Variants in GABRB1 observed in about 807,000 individuals in gnomAD.
GABRB1 encodes gamma-aminobutyric acid receptor subunit beta-1.
In GABRB1, 17 loss-of-function variants were observed where a neutral mutation model predicts 51.6. The observed-to-expected ratio is 0.33, with a 90% CI of 0.23 to 0.49. The LOEUF (loss-of-function observed/expected upper bound fraction) is 0.49. Ranked by LOEUF, GABRB1 falls within the 20% of genes least tolerant of loss-of-function variation. The pLI, the probability that GABRB1 is intolerant of heterozygous loss-of-function variation, is 0.99. For missense variants in GABRB1, 410 were observed against 600.6 expected (o/e 0.68, Z 3.32); for synonymous variants, 247 against 218.9 (o/e 1.13, Z -1.14).
chr4:47,062,399 C>G (rs1010089400), intron 3 of GABRB1, among the ~76,000 whole-genome samples: 6 of 148,168 alleles, frequency 4.0e-5, no homozygotes, highest in Non-Finnish European at 7.4e-5. Context: ...ATGCCTTTCT[C>G]TAGATAATTT....
chr4:47,291,270 G>A (rs181723240), intron 4 of GABRB1, among the ~76,000 whole-genome samples: 22 of 152,258 alleles, frequency 1.4e-4, no homozygotes, highest in African/African-American at 3.6e-4. Flanking sequence ...TTGAGCCGGC[G>A]GGTGCACAGA....
chr4:47,123,170 A>G (rs930175082), intron 3 of GABRB1, among the ~76,000 whole-genome samples: 1 of 151,040 alleles, frequency 6.6e-6, no homozygotes, highest in Non-Finnish European at 1.5e-5. Flanking sequence ...TCACTCTTTT[A>G]AATACAATTT....
At chr4:47,326,935 A>G (rs1350069636) in intron 5 of GABRB1, among the ~76,000 whole-genome samples, 1 of 152,168 alleles carries the variant, frequency 6.6e-6, no homozygotes, top group Non-Finnish European at 1.5e-5. Context: ...CCTGTGAGGG[A>G]AGGGATCATT....
chr4:47,068,527 T>C (rs535917258), intron 3 of GABRB1, among the ~76,000 whole-genome samples: 28 of 152,316 alleles, frequency 1.8e-4, no homozygotes, highest in Admixed American at 7.2e-4. Flanking sequence ...TGTAGGGTTA[T>C]TAACTGGCCT....
chr4:47,012,710 C>T (rs1162352218), intron 1 of GABRB1, among the ~76,000 whole-genome samples: 1 of 152,150 alleles, frequency 6.6e-6, no homozygotes, highest in Non-Finnish European at 1.5e-5. Context: ...AGGTATCTGG[C>T]TCCTCTCATT....
chr4:47,032,318 C>T, intron 2 of GABRB1, 99 bp from the exon 3 acceptor site: 1 of 1,105,726 alleles, frequency 9.0e-7, no homozygotes, highest in South Asian at 1.5e-5. Flanking sequence ...AGGGAGGGAG[C>T]CCGTTAAGAA....
At chr4:47,135,511 G>A (rs1170217687) in intron 3 of GABRB1, among the ~76,000 whole-genome samples, 1 of 152,060 alleles carries the variant, frequency 6.6e-6, no homozygotes, top group African/African-American at 2.4e-5. Flanking sequence ...GTGGTTGAAA[G>A]AGAAAGAAGT....
At chr4:47,130,575 C>G (rs1483930952) in intron 3 of GABRB1, among the ~76,000 whole-genome samples, 1 of 152,096 alleles carries the variant, frequency 6.6e-6, no homozygotes, top group Non-Finnish European at 1.5e-5. Flanking sequence ...TGCCTCCCCC[C>G]AGATTAGGAA....
rs564530603 is a variant in GABRB1, at chr4:47,215,026, T to C, written c.461+53557T>C. 5.3e-5 allele frequency among the ~76,000 whole-genome samples: 8 copies of C among 152,250 alleles called. No homozygotes were observed. In the East Asian group the frequency reaches 1.4e-3, roughly 26 times the overall value. ...AGGTTTGTTGGGATGTAACCCCACC[T>C]TCAGTCCAGTAGTGTCGGTATGGCC... is the stretch of plus-strand genomic sequence containing the variant. On this transcript the variant is annotated intron_variant, in intron 4 of 8. Coordinates refer to ENST00000295454, the MANE Select transcript of GABRB1 (RefSeq NM_000812.4).
At chr4:47,357,096 CCTTT>C (rs1461395306) in intron 5 of GABRB1, among the ~76,000 whole-genome samples, 2 of 152,098 alleles carry the variant, frequency 1.3e-5, no homozygotes, top group African/African-American at 4.8e-5. Flanking sequence ...TTTTTCAATA[CCTTT>C]CTTTCTTGTA....
intron 4 of GABRB1, among the ~76,000 whole-genome samples, chr4:47,314,231 T>C (rs780325796): frequency 3.9e-5 from 6 of 152,044 alleles, no homozygotes; most frequent in Non-Finnish European, 7.4e-5. Context: ...TAACTATTGA[T>C]TGTTGAATAG....
intron 5 of GABRB1, among the ~76,000 whole-genome samples, chr4:47,352,473 T>C (rs1386499298): frequency 1.3e-5 from 2 of 152,220 alleles, no homozygotes. Flanking sequence ...AAAAAGAGAA[T>C]TTTAGACCAA....
chr4:47,024,933 C>T (rs1577834566), intron 1 of GABRB1, among the ~76,000 whole-genome samples: 19 of 86,196 alleles, frequency 2.2e-4, no homozygotes, highest in East Asian at 4.6e-4. Flanking sequence ...AGTATTCCAT[C>T]ATATATATAT....
intron 3 of GABRB1, among the ~76,000 whole-genome samples, chr4:47,070,270 G>T (rs774168539): frequency 7.9e-5 from 12 of 151,680 alleles, no homozygotes; most frequent in East Asian, 3.9e-4. Context: ...TCCTGACCTC[G>T]TGAGATCCAC....
At chr4:47,115,195 T>C (rs957194047) in intron 3 of GABRB1, among the ~76,000 whole-genome samples, 11 of 152,220 alleles carry the variant, frequency 7.2e-5, no homozygotes, top group Non-Finnish European at 1.3e-4. Context: ...TTTATGCTGA[T>C]AGCTAATACA....
At chr4:47,019,623 CTCTCTTTCTT>C (rs1281299766) in intron 1 of GABRB1, among the ~76,000 whole-genome samples, 3 of 96,396 alleles carry the variant, frequency 3.1e-5, no homozygotes, top group Non-Finnish European at 6.4e-5. Flanking sequence ...CTTTCTTTCT[CTCTCTTTCTT>C]TCTTTCTTTC....
intron 1 of GABRB1, among the ~76,000 whole-genome samples, chr4:46,997,727 T>C (rs1280055269): frequency 1.3e-5 from 2 of 149,562 alleles, no homozygotes; most frequent in Non-Finnish European, 3.0e-5. Context: ...TGTGTATATA[T>C]ATGTATGCAC....
intron 5 of GABRB1, among the ~76,000 whole-genome samples, chr4:47,348,244 T>C (rs1056377439): frequency 4.6e-5 from 7 of 152,308 alleles, no homozygotes; most frequent in Admixed American, 2.0e-4. Context: ...TTATTTTTAA[T>C]TGTATTAATG....
chr4:47,199,691 G>T (rs1719825016), intron 4 of GABRB1, among the ~76,000 whole-genome samples: 1 of 152,046 alleles, frequency 6.6e-6, no homozygotes, highest in Non-Finnish European at 1.5e-5. Context: ...AGGTGTATGT[G>T]GTCTGCGAGC....
Sources: gnomAD v4.1 joint callset for allele counts (sites outside exome capture counted in the v4.1 genomes callset) on GRCh38, gnomAD v4.1.1 for gene constraint, MANE v1.5 for transcripts, NCBI Gene and HGNC (gene_info 2026-07-23, HGNC 2026-07-21) for gene names.